CARS1: variants seen among roughly 807,000 people sequenced by gnomAD.
The protein encoded by CARS1 is cysteinyl-tRNA synthetase 1, also known as cysteine--tRNA ligase, cytoplasmic.
CARS1 carries 48 observed loss-of-function variants against 106.2 expected under a neutral mutation model. The ratio of observed to expected loss-of-function variants is 0.45; its 90% CI spans 0.36 to 0.57. The LOEUF is 0.57. CARS1 is among the 20% of genes least tolerant of loss of function. The probability of loss-of-function intolerance (pLI) is 0.00; values close to 1 mark genes in which losing one functional copy is unlikely to be tolerated. For synonymous variants in CARS1, 409 were observed against 403.4 expected, an observed-to-expected ratio of 1.01 and a Z score of -0.17; for missense variants, 968 against 1,057.2, an observed-to-expected ratio of 0.92 and a Z score of 1.17.
rs764448394 is a variant in CARS1, at chr11:3,047,799, G to T, written c.228C>A (p.Leu76=). ...VARWFRHIEA[L]LGSPCGKGQP... ...GGCCTTTGCCACAGGGGCTACCCAG[G>T]AGCGCTTCTATGTGCCTGAACCACC... The change falls in exon 2 of 23, where the codon CTC becomes CTA. Residue 76 remains leucine, a synonymous_variant. Coordinates refer to ENST00000380525, the MANE Select transcript of CARS1 (RefSeq NM_001014437.3). 2 of 1,614,124 alleles carry T rather than the reference G, an allele frequency of 1.2e-6. No individual in the cohort carries two copies. Among genetic ancestry groups the T allele is most frequent in the Non-Finnish European group, 1.7e-6 (2 of 1,180,008 alleles).
chr11:3,020,793 C>T lies in CARS1; in HGVS notation c.1154-461G>A, dbSNP rs1590380996. On this transcript the variant is annotated intron_variant, in intron 10 of 22. Transcript: ENST00000380525. The surrounding 1 kb of genome is among the most constrained non-coding windows in gnomAD (Gnocchi z 4.6). ...CGCACAACTATCTGCTTATGGGTCC[C>T]GGGGGATACAAGGATGCAGCTAAGC... Among the ~76,000 whole-genome samples, 1 of 152,130 alleles carries T rather than the reference C, an allele frequency of 6.6e-6. No homozygotes were observed. The highest frequency in any genetic ancestry group is 6.5e-5 in the Admixed American group (1 of 15,276).
chr11:3,014,410 G>A (rs1036077371), intron 17 of CARS1, among the ~76,000 whole-genome samples: 6 of 152,198 alleles, frequency 3.9e-5, no homozygotes, highest in Admixed American at 2.0e-4. Context: ...CTCACCATTC[G>A]CCGCAGCTGC....
At position 3,041,985 on chromosome 11, in the gene CARS1, G is replaced by C. The variant is rs1854522269; in HGVS notation, c.366+180C>G. On this transcript the variant is annotated intron_variant, in intron 3 of 22. Coordinates refer to ENST00000380525, the MANE Select transcript of CARS1 (RefSeq NM_001014437.3). The surrounding 1 kb of genome is among the most constrained non-coding windows in gnomAD (Gnocchi z 4.9). ...TGTCTGGGTTTCAGAGGACAGCTCTGCCTCTGGGCCACAGAGACTATAACA... is the reference window on the plus strand; with the variant it reads ...TGTCTGGGTTTCAGAGGACAGCTCTCCCTCTGGGCCACAGAGACTATAACA... 6.6e-6 allele frequency among the ~76,000 whole-genome samples: 1 copy of C among 152,172 alleles called. No homozygotes were observed.
chr11:3,042,448 G>A (rs935817385), intron 2 of CARS1, 192 bp from the exon 3 acceptor site: 35 of 558,064 alleles, frequency 6.3e-5, no homozygotes, highest in Non-Finnish European at 1.0e-4. Context: ...TTTTTTAGAC[G>A]GAGTCTCGCT....
chr11:3,039,636 T>C lies in CARS1; in HGVS notation c.552+199A>G, dbSNP rs1309126169. Among the ~76,000 whole-genome samples, 2 of 152,242 alleles carry C rather than the reference T, an allele frequency of 1.3e-5. No individual in the cohort carries two copies. Among genetic ancestry groups the C allele is most frequent in the African/African-American group, 2.4e-5 (1 of 41,456 alleles). On this transcript the variant is annotated intron_variant, in intron 5 of 22. Coordinates refer to ENST00000380525, the MANE Select transcript of CARS1 (RefSeq NM_001014437.3). The surrounding 1 kb of genome is among the most constrained non-coding windows in gnomAD (Gnocchi z 5.6). Reference sequence around the variant, plus strand: ...GACCCCTGAGCAACATGCAGGTTTCTAACCGTGTCTGAACATCATAGAAAT... The same window carrying C: ...GACCCCTGAGCAACATGCAGGTTTCCAACCGTGTCTGAACATCATAGAAAT...
intron 22 of CARS1, 91 bp from the exon 23 acceptor site, chr11:3,001,339 A>G (rs1434035371): frequency 7.9e-5 from 114 of 1,450,890 alleles, no homozygotes; most frequent in Non-Finnish European, 1.1e-4. Flanking sequence ...CAAAGTGTCT[A>G]TCTCCCTGAT....
In CARS1 at chr11:3,020,483, A is replaced by G; in HGVS notation, c.1154-151T>C. 1.6e-6 allele frequency: 1 copy of G among 622,644 alleles called. No homozygotes were observed. Among genetic ancestry groups the G allele is most frequent in the African/African-American group, 1.8e-5 (1 of 54,974 alleles). The allele number at this position is 622,644 out of a possible 1,614,324, so 38.6% of individuals were successfully genotyped here. The stretch of plus-strand genomic sequence containing the variant: ...GCTCAAGCATTTCTTCAAGTTAACT[A>G]TGTATTACCAGATTCTGGTGTTGAC... On this transcript the variant is annotated intron_variant, in intron 10 of 22. Transcript: ENST00000380525. This position sits in a 1 kb window ranked among gnomAD's most constrained non-coding sequence, Gnocchi z 4.6.
chr11:3,042,203 A>C lies in CARS1; in HGVS notation c.328T>G (p.Cys110Gly). Residue 110 changes from cysteine (C) to glycine (G), a missense_variant, in exon 3 of 23, where the codon TGC (cysteine) becomes GGC (glycine). Cys to Gly is a radical substitution (Grantham distance 159). Transcript: ENST00000380525. ...AGGCTGTTGTAAAGGTGGAGTCTGC[A>C]TGGCTGGGTCCCAGCAGGAGGGGAC... ...QWSPPAGTQP[C>G]RLHLYNSLTR... 4 of 1,613,918 alleles carry C rather than the reference A, an allele frequency of 2.5e-6. No individual in the cohort carries two copies. Among genetic ancestry groups the C allele is most frequent in the Non-Finnish European group, 3.4e-6 (4 of 1,180,004 alleles).
Position 3,001,167 on chromosome 11 carries a change from C to T in CARS1, c.2443G>A (p.Glu815Lys). 1 of 1,614,152 alleles carries T rather than the reference C, an allele frequency of 6.2e-7. No individual in the cohort carries two copies. Among genetic ancestry groups the T allele is most frequent in the Non-Finnish European group, 8.5e-7 (1 of 1,180,028 alleles). ...KKLKKLFEAQ[E>K]KLYKEYLQMA... is the part of the protein sequence containing the mutation. ...TGCAGATATTCCTTGTAGAGCTTCT[C>T]CTGAGCCTCGAAGAGCTTCTTCAGC... The change falls in exon 23 of 23, where the codon GAG becomes AAG. Residue 815 changes from glutamate to lysine, a missense_variant. By Grantham distance (56) the Glu-to-Lys change is moderately conservative. Coordinates refer to ENST00000380525, the MANE Select transcript of CARS1 (RefSeq NM_001014437.3).
rs1436893689 is a variant in CARS1 at position 3,020,799 on chromosome 11, A to G, written c.1154-467T>C. Among the ~76,000 whole-genome samples, 1 of 152,120 alleles carries G rather than the reference A, an allele frequency of 6.6e-6. No homozygotes were observed. The highest frequency in any genetic ancestry group is 2.4e-5 in the African/African-American group (1 of 41,404). ...ACTATCTGCTTATGGGTCCCGGGGGATACAAGGATGCAGCTAAGCTGCTGT... is the reference window on the plus strand; with the variant it reads ...ACTATCTGCTTATGGGTCCCGGGGGGTACAAGGATGCAGCTAAGCTGCTGT... On this transcript the variant is annotated intron_variant, in intron 10 of 22. Transcript: ENST00000380525. The surrounding 1 kb of genome is among the most constrained non-coding windows in gnomAD (Gnocchi z 4.6).
chr11:3,026,839 C>T (rs1409600280), intron 9 of CARS1, 42 bp from the exon 10 acceptor site: 10 of 1,583,658 alleles, frequency 6.3e-6, no homozygotes, highest in Non-Finnish European at 7.7e-6. Context: ...ATCTAACAGA[C>T]CCGAAAGTGT....
chr11:3,024,036 G>A (rs1157337272), intron 10 of CARS1, among the ~76,000 whole-genome samples: 1 of 152,148 alleles, frequency 6.6e-6, no homozygotes, highest in Non-Finnish European at 1.5e-5. Context: ...GGGACTACAG[G>A]CATGCGCCAC....
At chr11:3,055,634 G>A (rs1050701330) in intron 1 of CARS1, among the ~76,000 whole-genome samples, 2 of 152,208 alleles carry the variant, frequency 1.3e-5, no homozygotes, top group Non-Finnish European at 2.9e-5. Context: ...TATATGGCAA[G>A]CTCCAAAAAG....
At position 3,050,415 on chromosome 11, in the gene CARS1, T is replaced by C. The variant is rs1285581169; in HGVS notation, c.26-2414A>G. 1.3e-5 allele frequency among the ~76,000 whole-genome samples: 2 copies of C among 152,114 alleles called. No homozygotes were observed. The highest frequency in any genetic ancestry group is 2.1e-4 in the South Asian group (1 of 4,824). ...ATCACACCCCTTTACAAGTTATCCT[T>C]AGGAGCACCCATAGCCAACCCACGG... On this transcript the variant is annotated intron_variant, in intron 1 of 22. Transcript: ENST00000380525. This position sits in a 1 kb window ranked among gnomAD's most constrained non-coding sequence, Gnocchi z 6.3.
rs534995215 is a variant in CARS1 at position 3,047,951 on chromosome 11, G to A, written c.76C>T (p.Gln26Ter). 1 of 1,614,112 alleles carries A rather than the reference G, an allele frequency of 6.2e-7. No individual in the cohort carries two copies. The highest frequency in any genetic ancestry group is 2.2e-5 in the East Asian group (1 of 44,882). The change falls in exon 2 of 23, where the codon CAA becomes TAA. Residue 26 changes from glutamine to a stop codon, truncating the protein, a stop_gained. Coordinates refer to ENST00000380525, the MANE Select transcript of CARS1 (RefSeq NM_001014437.3). LOFTEE classifies it high-confidence loss of function. ...GTGCTGAGGTGCTCGTTCAGGGCTT[G>A]TGCCCTGGCTGCCTCGTCACTAATG... ...LSISDEAARA[Q>*]ALNEHLSTRS...
rs749249843 is a variant in CARS1, at chr11:3,057,352, C to T, written c.16G>A (p.Gly6Arg). The T allele has an allele frequency of 6.2e-7, 1 of 1,610,574 alleles. No homozygotes were observed. The highest frequency in any genetic ancestry group is 1.3e-5 in the African/African-American group (1 of 74,910). MADSS[G>R]QQAPDYRSIL... ...CGGCCGCGCCGCTCACCCTGCTGCCCGGAGGAATCTGCCATGGCTGGGAAT... is the reference window on the plus strand; with the variant it reads ...CGGCCGCGCCGCTCACCCTGCTGCCTGGAGGAATCTGCCATGGCTGGGAAT... The change falls in exon 1 of 23, where the codon GGG (glycine) becomes AGG (arginine). Residue 6 changes from glycine to arginine, a missense_variant. Gly to Arg is a moderately radical substitution (Grantham distance 125, BLOSUM62 -2). Coordinates refer to ENST00000380525, the MANE Select transcript of CARS1 (RefSeq NM_001014437.3).
intron 18 of CARS1, among the ~76,000 whole-genome samples, chr11:3,010,781 G>A (rs1044627204): frequency 4.0e-5 from 6 of 151,498 alleles, no homozygotes; most frequent in Non-Finnish European, 7.4e-5. Flanking sequence ...TCCGCCTCTC[G>A]GCCCCTCCAC....
At position 3,042,135 on chromosome 11, in the gene CARS1, C is replaced by T. The variant is rs148873856; in HGVS notation, c.366+30G>A. On this transcript the variant is annotated intron_variant, in intron 3 of 22. Transcript: ENST00000380525. ...CTGCCTCCTGCCTCCCCATTGTGTG[C>T]GTGTGCCACGGCATCTGTGTTCTCC... 1,911 of 1,546,852 alleles carry T rather than the reference C, an allele frequency of 1.2e-3. 26 individuals are homozygous for T. The African/African-American group carries it at 0.022, about 18-fold the overall frequency.
chr11:3,010,498 C>G (rs541734834), intron 18 of CARS1, among the ~76,000 whole-genome samples: 155 of 152,352 alleles, frequency 1.0e-3, no homozygotes, highest in Non-Finnish European at 1.9e-3. Flanking sequence ...CTTTGAAATG[C>G]TGAGGGCATC....
Sources: gnomAD v4.1 joint callset for allele counts (sites outside exome capture counted in the v4.1 genomes callset) on GRCh38, gnomAD v4.1.1 for gene constraint, Gnocchi (gnomAD v3.1) non-coding constraint, MANE v1.5 for transcripts, NCBI Gene and HGNC (gene_info 2026-07-23, HGNC 2026-07-21) for gene names.